SCN1A: variants seen among roughly 807,000 people sequenced by gnomAD.
SCN1A encodes the protein sodium voltage-gated channel alpha subunit 1.
In SCN1A, 13 loss-of-function variants were observed where a neutral mutation model predicts 193.7. The ratio of observed to expected loss-of-function variants is 0.07; its 90% confidence interval spans 0.04 to 0.11. The LOEUF (loss-of-function observed/expected upper bound fraction) is 0.11, where lower values mean the gene tolerates loss of function less well. Ranked by LOEUF, SCN1A falls within the 10% of genes least tolerant of loss-of-function variation. The pLI is 1.00. For missense variants in SCN1A, 1,432 were observed against 2,451.1 expected, an observed-to-expected ratio of 0.58 and a Z score of 8.78; for synonymous variants, 781 against 843.6, an observed-to-expected ratio of 0.93 and a Z score of 1.29.
At position 166,048,963 on chromosome 2, in the gene SCN1A, G is replaced by C; in HGVS notation, c.965-14C>G. On this transcript the variant is annotated splice_polypyrimidine_tract_variant and intron_variant, in intron 9 of 28. Coordinates refer to ENST00000674923, the MANE Select transcript of SCN1A (RefSeq NM_001165963.4). ...AATAATGATATCCTGTTTGAAAAAA[G>C]AAAGTCGTATGATGAACATTTGCAT... 1 of 1,555,048 alleles carries C rather than the reference G, an allele frequency of 6.4e-7. No individual in the cohort carries two copies. The highest frequency in any genetic ancestry group is 8.9e-7 in the Non-Finnish European group (1 of 1,126,908).
At chr2:166,146,479 T>G (rs776748466) in intron 1 of SCN1A, among the ~76,000 whole-genome samples, 1 of 152,214 alleles carries the variant, frequency 6.6e-6, no homozygotes, top group Non-Finnish European at 1.5e-5. Context: ...GTTTTGCCTT[T>G]GGTAGACAGG....
In SCN1A at chr2:166,069,201, T is replaced by C. The variant is rs115838105; in HGVS notation, c.264+4157A>G. 7.2e-3 allele frequency among the ~76,000 whole-genome samples: 1,098 copies of C among 152,316 alleles called. 20 individuals are homozygous for C. The highest frequency in any genetic ancestry group is 0.025 in the African/African-American group (1,042 of 41,576). ...GACCACTGAGTCAGAGCTAACATGA[T>C]ATGAAAAATACTGTCACCATATTAT... is the stretch of plus-strand genomic sequence containing the variant. On this transcript the variant is annotated intron_variant, in intron 4 of 28. Transcript: ENST00000674923.
chr2:166,105,062 A>T (rs1167115724), intron 2 of SCN1A, among the ~76,000 whole-genome samples: 1 of 152,166 alleles, frequency 6.6e-6, no homozygotes, highest in Admixed American at 6.5e-5. Flanking sequence ...ACTCCTTAGG[A>T]TTTTTGCTAT....
At chr2:166,138,746 A>C (rs1267087330) in intron 1 of SCN1A, among the ~76,000 whole-genome samples, 1 of 152,142 alleles carries the variant, frequency 6.6e-6, no homozygotes, top group Non-Finnish European at 1.5e-5. Flanking sequence ...TGGTGGAGCT[A>C]TGAGAAGAGG....
Position 165,998,179 on chromosome 2 carries a change from C to T in SCN1A, c.4339-4G>A. The T allele has an allele frequency of 4.4e-6, 7 of 1,599,942 alleles. No individual in the cohort carries two copies. Among genetic ancestry groups the T allele is most frequent in the Non-Finnish European group, 6.0e-6 (7 of 1,170,434 alleles). ...CATACTTAGGCTGGAGTTCCACCTA[C>T]CAAAGGGGAATATTTTGTAAAATAT... is the stretch of plus-strand genomic sequence containing the variant. On this transcript the variant is annotated splice_polypyrimidine_tract_variant and splice_region_variant and intron_variant, in intron 25 of 28. Coordinates refer to ENST00000674923, the MANE Select transcript of SCN1A (RefSeq NM_001165963.4).
rs553276712 is a variant in SCN1A at position 166,147,651 on chromosome 2, T to C, written c.-50+1396A>G. 1.1e-4 allele frequency among the ~76,000 whole-genome samples: 17 copies of C among 152,266 alleles called. No homozygotes were observed. In the South Asian group the frequency reaches 2.5e-3, roughly 22 times the overall value. ...CTGATGGGGCTCTTATCTCAAGCTA[T>C]GTCTAGGGAAAATGCCTATTGACTT... On this transcript the variant is annotated intron_variant, in intron 1 of 26. Transcript: ENST00000635750.
chr2:166,146,263 G>A (rs1692317873), intron 1 of SCN1A, among the ~76,000 whole-genome samples: 1 of 152,156 alleles, frequency 6.6e-6, no homozygotes, highest in Admixed American at 6.5e-5. Context: ...TCTACCAATA[G>A]ATCGTCACCT....
chr2:166,129,041 C>A (rs17745375), upstream of SCN1A, among the ~76,000 whole-genome samples: 1 of 152,230 alleles, frequency 6.6e-6, no homozygotes, highest in Non-Finnish European at 1.5e-5. Context: ...ACACTTATTA[C>A]AATCATTGCA....
At chr2:166,085,247 G>C (rs1184463878) in intron 2 of SCN1A, among the ~76,000 whole-genome samples, 1 of 152,138 alleles carries the variant, frequency 6.6e-6, no homozygotes, top group Non-Finnish European at 1.5e-5. Context: ...GGAATGTTTA[G>C]TCATTAGTGT....
chr2:166,003,557 CCT>C (rs1219207245), intron 23 of SCN1A, among the ~76,000 whole-genome samples: 1 of 150,966 alleles, frequency 6.6e-6, no homozygotes, highest in African/African-American at 2.4e-5. Flanking sequence ...ATGTTTTCCC[CCT>C]CTTTACTTCT....
Position 165,991,833 on chromosome 2 carries a change from C to G in SCN1A, c.5442G>C (p.Lys1814Asn), listed in dbSNP as rs144595013. ...TGAACTGAGTTGCATCGGGATCAAACTTCTCCCAAACCTCATAGAACATCT... is the reference window on the plus strand; with the variant it reads ...TGAACTGAGTTGCATCGGGATCAAAGTTCTCCCAAACCTCATAGAACATCT... ...DFEMFYEVWE[K>N]FDPDATQFME... is the part of the protein sequence containing the mutation. The change falls in exon 29 of 29, where the codon AAG (lysine) becomes AAC (asparagine). Residue 1814 changes from lysine (K) to asparagine (N), a missense_variant. By Grantham distance (94) the Lys-to-Asn change is moderately conservative (BLOSUM62 0). Around this residue, in one of 18 missense-constraint regions of SCN1A, gnomAD observed 59 missense variants for 110.6 expected, o/e 0.53. Transcript: ENST00000674923. The G allele has an allele frequency of 3.7e-6, 6 of 1,613,836 alleles. No individual in the cohort carries two copies. Among genetic ancestry groups the G allele is most frequent in the Non-Finnish European group, 5.1e-6 (6 of 1,179,940 alleles).
At chr2:166,085,928 T>A (rs1371926596) in intron 2 of SCN1A, among the ~76,000 whole-genome samples, 1 of 152,096 alleles carries the variant, frequency 6.6e-6, no homozygotes, top group Admixed American at 6.6e-5. Flanking sequence ...AGAAAATAGG[T>A]CTTGAAAGAT....
intron 19 of SCN1A, among the ~76,000 whole-genome samples, chr2:166,029,607 A>G (rs1049486358): frequency 6.6e-6 from 1 of 152,196 alleles, no homozygotes; most frequent in African/African-American, 2.4e-5. Context: ...AAGTAGATTT[A>G]AAATGCATAT....
chr2:166,052,187 A>G (rs1393798112), intron 8 of SCN1A, among the ~76,000 whole-genome samples, 199 bp from the exon 9 acceptor site: 1 of 152,058 alleles, frequency 6.6e-6, no homozygotes, highest in Non-Finnish European at 1.5e-5. Context: ...CAATGAAATG[A>G]AGATTCATAT....
rs184668202 is a variant in SCN1A at position 166,111,039 on chromosome 2, G to C, written c.-142+15885C>G. On this transcript the variant is annotated intron_variant, in intron 2 of 28. Transcript: ENST00000674923. The stretch of plus-strand genomic sequence containing the variant: ...ACTGCTTTCCTTTATAAATTAGCCA[G>C]TCTCGGGTATGTCTTTATTAGTAGG... 5.5e-4 allele frequency among the ~76,000 whole-genome samples: 84 copies of C among 152,202 alleles called. 1 individual carries two copies. The highest frequency in any genetic ancestry group is 2.0e-3 in the African/African-American group (83 of 41,538).
chr2:166,015,517 A>G (rs1693152928), intron 20 of SCN1A, 90 bp downstream of exon 20: 8 of 1,511,364 alleles, frequency 5.3e-6, no homozygotes, highest in Non-Finnish European at 7.3e-6. Context: ...ACAAAGTGCC[A>G]TTTTATTATA....
At chr2:166,086,878 A>T (rs1194850726) in intron 2 of SCN1A, among the ~76,000 whole-genome samples, 1 of 152,186 alleles carries the variant, frequency 6.6e-6, no homozygotes, top group Non-Finnish European at 1.5e-5. Context: ...GCTGATGATT[A>T]TCACAGATTT....
At chr2:166,120,596 C>CTTT (rs57044851) in intron 2 of SCN1A, among the ~76,000 whole-genome samples, 17 of 72,456 alleles carry the variant, frequency 2.3e-4, no homozygotes, top group Admixed American at 1.4e-3. Flanking sequence ...TTTCTTTTCT[C>CTTT]TTTTTTTTTT....
At chr2:166,036,836 A>G (rs1696449861) in intron 18 of SCN1A, among the ~76,000 whole-genome samples, 1 of 152,236 alleles carries the variant, frequency 6.6e-6, no homozygotes, top group African/African-American at 2.4e-5. Flanking sequence ...AAACAGATTT[A>G]TATGTGTACA....
Sources: gnomAD v4.1 joint callset for allele counts (sites outside exome capture counted in the v4.1 genomes callset) on GRCh38, gnomAD v4.1.1 for gene constraint, gnomAD v4.1.1 regional missense constraint, MANE v1.5 for transcripts, NCBI Gene and HGNC (gene_info 2026-07-23, HGNC 2026-07-21) for gene names.